OTOGL: variants seen among roughly 807,000 people sequenced by gnomAD.
OTOGL encodes the protein otogelin like.
OTOGL carries 285 observed loss-of-function variants against 318.5 expected under a neutral mutation model. The observed-to-expected ratio is 0.89, with a 90% confidence interval of 0.81 to 0.99. The LOEUF is 0.99. OTOGL is among the 50% of genes least tolerant of loss of function. The probability of loss-of-function intolerance (pLI) is 0.00; values close to 1 mark genes in which losing one functional copy is unlikely to be tolerated. For synonymous variants in OTOGL, 987 were observed against 936.5 expected (o/e 1.05, Z -0.99); for missense variants, 2,899 against 2,845.6 (o/e 1.02, Z -0.43).
intron 1 of OTOGL, among the ~76,000 whole-genome samples, chr12:80,186,338 C>T (rs1162114904): frequency 6.6e-6 from 1 of 152,166 alleles, no homozygotes; most frequent in Non-Finnish European, 1.5e-5. Flanking sequence ...CCGCGTCTCT[C>T]CCATCAGGTG....
intron 1 of OTOGL, among the ~76,000 whole-genome samples, chr12:80,124,407 TG>T (rs1262249476): frequency 6.6e-6 from 1 of 152,240 alleles, no homozygotes; most frequent in African/African-American, 2.4e-5. Context: ...ATCTCTGTTT[TG>T]GTACCAGTAC....
At chr12:80,133,271 A>T (rs555509737) in intron 1 of OTOGL, among the ~76,000 whole-genome samples, 9 of 152,100 alleles carry the variant, frequency 5.9e-5, no homozygotes, top group Non-Finnish European at 8.8e-5. Flanking sequence ...TTAGGCAATG[A>T]TTATTGAATA....
chr12:80,166,201 C>T (rs930719496), intron 1 of OTOGL, among the ~76,000 whole-genome samples: 3 of 150,686 alleles, frequency 2.0e-5, no homozygotes, highest in Non-Finnish European at 4.4e-5. Context: ...CTTCCTCTCT[C>T]TCTCTCTCTC....
chr12:80,273,781 C>T (rs1301900348), intron 24 of OTOGL, among the ~76,000 whole-genome samples: 4 of 151,890 alleles, frequency 2.6e-5, no homozygotes, highest in African/African-American at 7.2e-5. Flanking sequence ...CTGTTGGTGC[C>T]ATTTTCCAAC....
intron 1 of OTOGL, chr12:80,133,642 A>G (rs1484623441): frequency 1.3e-5 from 2 of 152,120 alleles, no homozygotes; most frequent in Non-Finnish European, 2.9e-5. Flanking sequence ...CCCCTAGACA[A>G]TGCACAAATG....
chr12:80,254,800 G>A (rs1257096002), intron 15 of OTOGL, among the ~76,000 whole-genome samples: 1 of 151,666 alleles, frequency 6.6e-6, no homozygotes, highest in Non-Finnish European at 1.5e-5. Context: ...TAAAAAATGT[G>A]GAATAAATAT....
At chr12:80,295,985 T>TC (rs1885364793) in intron 26 of OTOGL, among the ~76,000 whole-genome samples, 1 of 151,998 alleles carries the variant, frequency 6.6e-6, no homozygotes, top group Admixed American at 6.6e-5. Context: ...TTCTAAAGAG[T>TC]GACTTAGTGG....
chr12:80,336,182 T>C (rs1199079758), intron 39 of OTOGL, 42 bp downstream of exon 39: 1 of 1,515,322 alleles, frequency 6.6e-7, no homozygotes, highest in Admixed American at 2.3e-5. Context: ...TTTTTTTTTT[T>C]TTAATCTGGA....
In OTOGL at chr12:80,341,974, G is replaced by A. The variant is rs764302483; in HGVS notation, c.5077G>A (p.Asp1693Asn). ...AATTTGCAATGAAGATCCGGATGATGATCTAAGGATGCAAAATGGCACAAT... is the reference window on the plus strand; with the variant it reads ...AATTTGCAATGAAGATCCGGATGATAATCTAAGGATGCAAAATGGCACAAT... ...CGICNEDPDDDLRMQNGTIIT... is the reference protein window; with the variant it reads ...CGICNEDPDDNLRMQNGTIIT... The change falls in exon 44 of 59, where the codon GAT becomes AAT. Residue 1693 changes from aspartate (D) to asparagine (N), a missense_variant. Physicochemically the swap from Asp to Asn is conservative, Grantham distance 23. Transcript: ENST00000547103. The A allele has an allele frequency of 1.2e-6, 2 of 1,607,190 alleles. No homozygotes were observed. The highest frequency in any genetic ancestry group is 2.2e-5 in the East Asian group (1 of 44,710).
chr12:80,108,400 A>T (rs1251972210), intron 1 of OTOGL, among the ~76,000 whole-genome samples: 1 of 152,020 alleles, frequency 6.6e-6, no homozygotes, highest in East Asian at 1.9e-4. Flanking sequence ...TTTTATTTTT[A>T]AACACAAACG....
chr12:80,147,943 G>T (rs1173443365), intron 1 of OTOGL, among the ~76,000 whole-genome samples: 1 of 152,070 alleles, frequency 6.6e-6, no homozygotes, highest in Non-Finnish European at 1.5e-5. Context: ...TTGAGCCTAT[G>T]TGTGTCTCTG....
intron 13 of OTOGL, 44 bp from the exon 14 acceptor site, chr12:80,253,422 T>A: frequency 6.7e-7 from 1 of 1,497,054 alleles, no homozygotes; most frequent in Non-Finnish European, 9.3e-7. Flanking sequence ...ATACAATCTT[T>A]ATTATTTCTT....
rs544459956 is a variant in OTOGL, at chr12:80,379,511, C to T, written c.*1463C>T. 51 of 151,820 alleles carry T rather than the reference C, an allele frequency of 3.4e-4. No individual in the cohort carries two copies. Among genetic ancestry groups the T allele is most frequent in the African/African-American group, 1.2e-3 (49 of 41,422 alleles). 9.4% of individuals were successfully genotyped at this position (151,820 alleles called of 1,614,324 possible). A position where few individuals can be genotyped will look rare whatever the true frequency, so the allele number is the denominator to read the frequency against. On this transcript the variant is annotated 3_prime_UTR_variant, in exon 59 of 59. Transcript: ENST00000547103. ...TTACTGTATATGCAATTGATTTATC[C>T]TGTTTGTGCTTAATATAAGTGTTCC... is the stretch of plus-strand genomic sequence containing the variant.
Position 80,305,647 on chromosome 12 carries a change from G to A in OTOGL, c.3285G>A (p.Leu1095=), listed in dbSNP as rs760711309. The A allele has an allele frequency of 4.4e-6, 7 of 1,583,500 alleles. No individual in the cohort carries two copies. The highest frequency in any genetic ancestry group is 1.3e-5 in the African/African-American group (1 of 74,548). Residue 1095 remains leucine, a synonymous_variant, in exon 29 of 59, where the codon TTG becomes TTA. Coordinates refer to ENST00000547103, the MANE Select transcript of OTOGL (RefSeq NM_001378609.3). ...TSNDMTTSNN[L]EVRNARVFGD... ...ATGATATGACCACATCTAATAACTTGGAAGTGAGAAATGCTCGGGTATTTG... is the reference window on the plus strand; with the variant it reads ...ATGATATGACCACATCTAATAACTTAGAAGTGAGAAATGCTCGGGTATTTG...
chr12:80,108,194 T>C (rs1009393175), intron 1 of OTOGL, among the ~76,000 whole-genome samples: 1 of 152,170 alleles, frequency 6.6e-6, no homozygotes, highest in African/African-American at 2.4e-5. Context: ...TAATTGATTT[T>C]CTGTGAACTG....
At position 80,368,117 on chromosome 12, in the gene OTOGL, G is replaced by A. The variant is rs115885120; in HGVS notation, c.6511-88G>A. The A allele has an allele frequency of 1.1e-3, 1,086 of 955,960 alleles. 9 individuals carry two copies. The African/African-American group carries it at 0.017, about 15-fold the overall frequency. 59.2% of individuals were successfully genotyped at this position (955,960 alleles called of 1,614,324 possible). A position where few individuals can be genotyped will look rare whatever the true frequency, so the allele number is the denominator to read the frequency against. ...CCTTACAGTTGTCTGGAAAGAGCTT[G>A]TAGTTATGTTTGGAAGAAATAACTC... On this transcript the variant is annotated intron_variant, in intron 54 of 58. Transcript: ENST00000547103.
At chr12:80,128,637 G>A (rs1309237871) in intron 1 of OTOGL, among the ~76,000 whole-genome samples, 5 of 152,200 alleles carry the variant, frequency 3.3e-5, no homozygotes, top group Non-Finnish European at 7.3e-5. Flanking sequence ...TGCCCACAGA[G>A]GTGGAGTCTA....
At chr12:80,150,227 A>T (rs774075403) in intron 1 of OTOGL, among the ~76,000 whole-genome samples, 4 of 152,212 alleles carry the variant, frequency 2.6e-5, no homozygotes, top group Non-Finnish European at 4.4e-5. Flanking sequence ...TCTTTACCTC[A>T]TTGAGCCAAA....
chr12:80,259,965 A>C (rs1286494032), intron 18 of OTOGL, among the ~76,000 whole-genome samples: 1 of 152,058 alleles, frequency 6.6e-6, no homozygotes. Flanking sequence ...GAGCATTCAA[A>C]GTTAAATCTG....
Sources: gnomAD v4.1 joint callset for allele counts (sites outside exome capture counted in the v4.1 genomes callset) on GRCh38, gnomAD v4.1.1 for gene constraint, MANE v1.5 for transcripts, NCBI Gene and HGNC (gene_info 2026-07-23, HGNC 2026-07-21) for gene names.